Variants in NLRP13 observed in about 807,000 individuals in gnomAD.
The protein encoded by NLRP13 is NACHT, LRR and PYD domains-containing protein 13.
Under a neutral mutation model 94.4 loss-of-function variants are expected in NLRP13, and 82 were observed. The ratio of observed to expected loss-of-function variants is 0.87; its 90% CI spans 0.73 to 1.04. The LOEUF (loss-of-function observed/expected upper bound fraction) is 1.04. Ranked by LOEUF, NLRP13 falls within the 50% of genes least tolerant of loss-of-function variation. The pLI, the probability that NLRP13 is intolerant of heterozygous loss-of-function variation, is 0.00. For missense variants in NLRP13, 1,426 were observed against 1,230.8 expected, an observed-to-expected ratio of 1.16 and a Z score of -2.37; for synonymous variants, 553 against 464.7, an observed-to-expected ratio of 1.19 and a Z score of -2.45.
chr19:55,901,603 G>A (rs1986177664), intron 9 of NLRP13, among the ~76,000 whole-genome samples: 1 of 152,168 alleles, frequency 6.6e-6, no homozygotes, highest in Non-Finnish European at 1.5e-5. Flanking sequence ...GTGGATTGAA[G>A]AAGAAAGGAT....
Position 55,906,759 on chromosome 19 carries a change from C to G in NLRP13, c.2447+1033G>C, listed in dbSNP as rs371821683. Among the ~76,000 whole-genome samples, 8 of 151,970 alleles carry G rather than the reference C, an allele frequency of 5.3e-5. No homozygotes were observed. In the East Asian group the frequency reaches 5.8e-4, roughly 11 times the overall value. ...AGAGTGATCTGTGTTTACAGACCCC[C>G]CCCTGCTCCATGAATGAAAGCTGAC... On this transcript the variant is annotated intron_variant, in intron 7 of 10. Transcript: ENST00000342929.
Position 55,895,995 on chromosome 19 carries a change from G to A in NLRP13, c.3082C>T (p.Leu1028=), listed in dbSNP as rs749848915. 6.2e-7 allele frequency: 1 copy of A among 1,614,142 alleles called. No individual in the cohort carries two copies. The highest frequency in any genetic ancestry group is 8.5e-7 in the Non-Finnish European group (1 of 1,180,004). ...NELDTDGVKM[L]CKALKKSTCR... is the part of the protein sequence containing the mutation. ...GTCGACTTTTTCAAAGCCTTACATA[G>A]CATCTTGACACCATCAGTATCCAAT... Residue 1028 remains leucine, a synonymous_variant, in exon 11 of 11, where the codon CTA becomes TTA. Coordinates refer to ENST00000342929, the MANE Select transcript of NLRP13 (RefSeq NM_176810.2).
chr19:55,923,848 T>C (rs889262051), intron 4 of NLRP13, 66 bp downstream of exon 4: 17 of 1,155,764 alleles, frequency 1.5e-5, no homozygotes, highest in Middle Eastern at 1.9e-4. Context: ...AACTCTACTA[T>C]GGACCTAGTG....
intron 7 of NLRP13, among the ~76,000 whole-genome samples, chr19:55,907,186 C>G (rs937254919): frequency 6.6e-6 from 1 of 152,050 alleles, no homozygotes. Flanking sequence ...TCTCGAACTC[C>G]TGACCTCATG....
At chr19:55,910,352 T>G (rs1986468193) in intron 6 of NLRP13, among the ~76,000 whole-genome samples, 1 of 152,222 alleles carries the variant, frequency 6.6e-6, no homozygotes, top group Non-Finnish European at 1.5e-5. Flanking sequence ...CACAGGTGCC[T>G]CTAATGCGAG....
intron 4 of NLRP13, among the ~76,000 whole-genome samples, chr19:55,913,735 TCAG>T (rs1555816003): frequency 6.6e-6 from 1 of 151,786 alleles, no homozygotes; most frequent in Non-Finnish European, 1.5e-5. Flanking sequence ...AGAAGAATCA[TCAG>T]AAGAGAAGTC....
At chr19:55,924,045 G>C in intron 3 of NLRP13, 66 bp from the exon 4 acceptor site, 2 of 1,273,272 alleles carry the variant, frequency 1.6e-6, no homozygotes, top group South Asian at 2.4e-5. Flanking sequence ...CAATGATAAA[G>C]ACTCTCAGTA....
At chr19:55,895,209 A>AAAAAG (rs1555812889), downstream of NLRP13, among the ~76,000 whole-genome samples, 1 of 150,156 alleles carries the variant, frequency 6.7e-6, no homozygotes, top group African/African-American at 2.4e-5. Context: ...AAAAAAAAAA[A>AAAAAG]AAAGAAAGAA....
Position 55,902,060 on chromosome 19 carries a change from G to C in NLRP13, c.2764C>G (p.Pro922Ala), listed in dbSNP as rs181274636. 71 of 1,614,084 alleles carry C rather than the reference G, an allele frequency of 4.4e-5. No individual in the cohort carries two copies. The East Asian group carries it at 1.5e-3, about 35-fold the overall frequency. Reference protein sequence around the residue: ...VKFLCEALGRPDGNLQSLNLS... With the variant: ...VKFLCEALGRADGNLQSLNLS... ...TTCAGGCTCTGCAGGTTACCATCTG[G>C]GCGACCCAAGGCCTCACACAGGAAC... The change falls in exon 9 of 11, where the codon CCA becomes GCA. Residue 922 changes from proline to alanine, a missense_variant. Transcript: ENST00000342929.
chr19:55,891,925 G>A (rs540290823), downstream of NLRP13: 18 of 403,548 alleles, frequency 4.5e-5, no homozygotes, highest in African/African-American at 1.2e-4. Context: ...ACATTGGAGC[G>A]ACACACAGGC....
chr19:55,909,155 T>G (rs1986435102), intron 6 of NLRP13, among the ~76,000 whole-genome samples: 1 of 152,200 alleles, frequency 6.6e-6, no homozygotes, highest in Non-Finnish European at 1.5e-5. Flanking sequence ...CCACCTCAGA[T>G]TCAAAGCTAC....
At chr19:55,900,529 T>C (rs1302932017) in intron 9 of NLRP13, among the ~76,000 whole-genome samples, 1 of 151,252 alleles carries the variant, frequency 6.6e-6, no homozygotes, top group East Asian at 2.0e-4. Context: ...CCCAGCACTT[T>C]GGGAGGCCAA....
Position 55,919,722 on chromosome 19 carries a change from C to T in NLRP13, c.523+4192G>A, listed in dbSNP as rs557953761. On this transcript the variant is annotated intron_variant, in intron 4 of 10. Coordinates refer to ENST00000342929, the MANE Select transcript of NLRP13 (RefSeq NM_176810.2). ...AATTATGGATGACACAAGTAATGCT[C>T]GTGGATAAGAATAAATGTCATTAAG... 5.9e-5 allele frequency among the ~76,000 whole-genome samples: 9 copies of T among 151,946 alleles called. No individual in the cohort carries two copies. The East Asian group carries it at 7.7e-4, about 13-fold the overall frequency.
At chr19:55,899,771 G>A (rs1986115180) in intron 9 of NLRP13, among the ~76,000 whole-genome samples, 1 of 152,020 alleles carries the variant, frequency 6.6e-6, no homozygotes, top group African/African-American at 2.4e-5. Context: ...CAGAGCAAGA[G>A]TCTGTTTAAA....
At chr19:55,896,637 T>C (rs1332555065) in intron 10 of NLRP13, among the ~76,000 whole-genome samples, 1 of 150,552 alleles carries the variant, frequency 6.6e-6, no homozygotes, top group Admixed American at 6.6e-5. Context: ...GACAAGATGG[T>C]GAAACCCTGT....
intron 6 of NLRP13, 103 bp downstream of exon 6, chr19:55,910,460 C>T (rs12982016): frequency 0.49 from 546,416 of 1,124,494 alleles, 134,738 homozygotes; most frequent in African/African-American, 0.68. Flanking sequence ...CTCCTGAGCA[C>T]GTAGCTTGCC....
chr19:55,909,889 T>C (rs1053311956), intron 6 of NLRP13, among the ~76,000 whole-genome samples: 3 of 152,204 alleles, frequency 2.0e-5, no homozygotes, highest in African/African-American at 7.2e-5. Context: ...TTCCCTACAC[T>C]GAGTCAAGTC....
intron 10 of NLRP13, among the ~76,000 whole-genome samples, chr19:55,896,488 C>T (rs1272913544): frequency 7.0e-6 from 1 of 143,220 alleles, no homozygotes; most frequent in Non-Finnish European, 1.5e-5. Context: ...CACCACTGCA[C>T]TCCAGCCTGG....
chr19:55,906,293 G>A (rs974033219), intron 7 of NLRP13, among the ~76,000 whole-genome samples: 7 of 120,564 alleles, frequency 5.8e-5, no homozygotes, highest in African/African-American at 1.3e-4. Context: ...AGCCGAGATC[G>A]TGCCACCATA....
Sources: gnomAD v4.1 joint callset for allele counts (sites outside exome capture counted in the v4.1 genomes callset) on GRCh38, gnomAD v4.1.1 for gene constraint, MANE v1.5 for transcripts, NCBI Gene and HGNC (gene_info 2026-07-23, HGNC 2026-07-21) for gene names.